The following CCR5AS variants were observed in gnomAD, a reference collection of about 807,000 sequenced individuals.
The protein encoded by CCR5AS is CCR5 antisense RNA.
intron 2 of CCR5AS, among the ~76,000 whole-genome samples, chr3:46,382,516 C>T (rs916091): frequency 0.3 from 45,826 of 152,148 alleles, 7,870 homozygotes; most frequent in East Asian, 0.56. Context: ...CATGAGGCAA[C>T]GAACCTTGTG....
downstream of CCR5AS, among the ~76,000 whole-genome samples, chr3:46,364,334 G>A (rs1051402893): frequency 1.7e-4 from 26 of 152,240 alleles, 1 homozygote; most frequent in South Asian, 6.2e-4. Context: ...AGAATTATGC[G>A]AAATCTACTC....
intron 2 of CCR5AS, among the ~76,000 whole-genome samples, chr3:46,383,317 C>T (rs947930349): frequency 8.5e-5 from 13 of 152,182 alleles, no homozygotes; most frequent in African/African-American, 3.1e-4. Context: ...GATGTAGACT[C>T]CATAGCTCAA....
chr3:46,388,220 G>A (rs954092802), intron 2 of CCR5AS, among the ~76,000 whole-genome samples: 4 of 152,140 alleles, frequency 2.6e-5, no homozygotes, highest in Admixed American at 6.5e-5. Flanking sequence ...GAGAGATAAT[G>A]GGTGATGTTT....
In CCR5AS at chr3:46,377,958, G is replaced by T. The variant is rs371905046; in HGVS notation, n.392-6541C>A. On this transcript the variant is annotated intron_variant and non_coding_transcript_variant, in intron 2 of 3. Coordinates refer to ENST00000451485, the Ensembl canonical transcript of CCR5AS. Reference sequence around the variant, plus strand: ...CTGACCTCGTGATCTGCCCGCCTCGGCCTCCCACCGAAGTGCTGGGATTAC... The same window carrying T: ...CTGACCTCGTGATCTGCCCGCCTCGTCCTCCCACCGAAGTGCTGGGATTAC... Among the ~76,000 whole-genome samples, 12 of 152,210 alleles carry T rather than the reference G, an allele frequency of 7.9e-5. No individual in the cohort carries two copies. The East Asian group carries it at 2.1e-3, about 27-fold the overall frequency.
chr3:46,373,043 C>A (rs747999011), intron 2 of CCR5AS: 1 of 1,614,138 alleles, frequency 6.2e-7, no homozygotes, highest in Admixed American at 1.7e-5. Flanking sequence ...GTTTTGTGGG[C>A]AACATGCTGG....
chr3:46,398,567 G>C (rs1004180239), intron 1 of CCR5AS, among the ~76,000 whole-genome samples: 1 of 152,016 alleles, frequency 6.6e-6, no homozygotes, highest in Admixed American at 6.5e-5. Flanking sequence ...TATATACAAG[G>C]GTGTCTTACT....
At chr3:46,382,917 C>G (rs1701828215) in intron 2 of CCR5AS, among the ~76,000 whole-genome samples, 1 of 152,218 alleles carries the variant, frequency 6.6e-6, no homozygotes, top group Non-Finnish European at 1.5e-5. Context: ...ATAATAGTAT[C>G]TGCCTTACAG....
chr3:46,383,548 G>T (rs948033946), intron 2 of CCR5AS, among the ~76,000 whole-genome samples: 4 of 152,078 alleles, frequency 2.6e-5, no homozygotes, highest in African/African-American at 9.7e-5. Context: ...TACTTCCGGG[G>T]CCCTCATCCT....
intron 1 of CCR5AS, among the ~76,000 whole-genome samples, chr3:46,397,397 G>A (rs1460220155): frequency 1.3e-5 from 2 of 152,228 alleles, no homozygotes; most frequent in Admixed American, 6.5e-5. Context: ...AAGCCAAACG[G>A]CACACTTAAG....
At chr3:46,366,658 G>A (rs541073089) in intron 3 of CCR5AS, among the ~76,000 whole-genome samples, 2 of 152,342 alleles carry the variant, frequency 1.3e-5, no homozygotes, top group Admixed American at 6.5e-5. Context: ...ACAGGACAGA[G>A]GCAGGGATGG....
At position 46,373,509 on chromosome 3, in the gene CCR5AS, C is replaced by CAGA. The variant is rs772879956; in HGVS notation, n.392-2093_392-2092insTCT. ...GACATTAAAGATAGTCATCTTGGGG[C>CAGA]TGGTCCTGCCGCTGCTTGTCATGGT... On this transcript the variant is annotated intron_variant and non_coding_transcript_variant, in intron 2 of 3. Coordinates refer to ENST00000451485, the Ensembl canonical transcript of CCR5AS. The CAGA allele has an allele frequency of 6.2e-6, 10 of 1,613,994 alleles. No individual in the cohort carries two copies. The African/African-American group carries it at 1.3e-4, about 22-fold the overall frequency.
At chr3:46,378,613 C>T (rs11575816) in intron 2 of CCR5AS, among the ~76,000 whole-genome samples, 45,820 of 152,142 alleles carry the variant, frequency 0.3, 7,863 homozygotes, top group East Asian at 0.56. Flanking sequence ...GGAGAAGACA[C>T]ACGAGGAGGC....
chr3:46,390,223 G>C (rs1342801882), intron 2 of CCR5AS, among the ~76,000 whole-genome samples: 1 of 152,074 alleles, frequency 6.6e-6, no homozygotes, highest in African/African-American at 2.4e-5. Context: ...CTGGGAGGAG[G>C]GATGCAAGGG....
At chr3:46,364,488 A>T (rs543986307) in exon 4 of CCR5AS, among the ~76,000 whole-genome samples, 1 of 152,330 alleles carries the variant, frequency 6.6e-6, no homozygotes, top group Admixed American at 6.5e-5. Context: ...GCTCTGCACC[A>T]TGTCGATCAA....
At chr3:46,373,379 G>A (rs55639502) in intron 2 of CCR5AS, 219 of 1,612,406 alleles carry the variant, frequency 1.4e-4, no homozygotes, top group Admixed American at 1.1e-3. Context: ...CTGTGTTTGC[G>A]TCTCTCCCAG....
chr3:46,368,992 C>T (rs41386445), intron 3 of CCR5AS, among the ~76,000 whole-genome samples: 58 of 150,496 alleles, frequency 3.9e-4, no homozygotes, highest in Non-Finnish European at 4.9e-4. Context: ...ATCTATCTTT[C>T]GAAAAACCAA....
intron 2 of CCR5AS, among the ~76,000 whole-genome samples, chr3:46,378,561 T>C (rs1016160399): frequency 7.9e-5 from 12 of 152,226 alleles, no homozygotes; most frequent in Non-Finnish European, 8.8e-5. Context: ...CGAGGCCACA[T>C]TGGCAAACCA....
chr3:46,377,298 T>G (rs569964028), intron 2 of CCR5AS, among the ~76,000 whole-genome samples: 1 of 152,182 alleles, frequency 6.6e-6, no homozygotes. Context: ...GAGTTTCAAC[T>G]CACGACCTTC....
At chr3:46,393,541 A>T (rs1701934245) in intron 1 of CCR5AS, among the ~76,000 whole-genome samples, 1 of 152,198 alleles carries the variant, frequency 6.6e-6, no homozygotes, top group Non-Finnish European at 1.5e-5. Flanking sequence ...TTAGTAAAAA[A>T]TTATAGGGAA....
Sources: gnomAD v4.1 joint callset for allele counts (sites outside exome capture counted in the v4.1 genomes callset) on GRCh38, gnomAD v4.1.1 for gene constraint, MANE v1.5 for transcripts, NCBI Gene and HGNC (gene_info 2026-07-23, HGNC 2026-07-21) for gene names.